Variants in MEPE observed in about 807,000 individuals in gnomAD.
MEPE encodes the protein matrix extracellular phosphoglycoprotein.
A neutral mutation model predicts 7.3 loss-of-function variants in MEPE; 7 were observed. The ratio of observed to expected loss-of-function variants is 0.95; its 90% CI spans 0.54 to 1.79. The LOEUF (loss-of-function observed/expected upper bound fraction) is 1.79. Among genes scored for constraint, MEPE ranks in the 40% most tolerant of loss-of-function variants. The pLI is 0.00. For synonymous variants in MEPE, 214 were observed against 213.1 expected (o/e 1.00, Z -0.04); for missense variants, 623 against 628.2 (o/e 0.99, Z 0.09).
At chr4:87,842,776 T>A (rs910344856) in intron 3 of MEPE, among the ~76,000 whole-genome samples, 7 of 152,176 alleles carry the variant, frequency 4.6e-5, no homozygotes, top group African/African-American at 1.7e-4. Context: ...AGGTTAAAAA[T>A]TATTGAAAAT....
Position 87,845,818 on chromosome 4 carries a change from T to C in MEPE, c.950T>C (p.Ile317Thr), listed in dbSNP as rs764644948. 4.5e-5 allele frequency: 73 copies of C among 1,613,850 alleles called. No individual in the cohort carries two copies. The Middle Eastern group carries it at 4.9e-4, about 11-fold the overall frequency. Reference protein sequence around the residue: ...PEREENGGNTIGTRDETAKEA... With the variant: ...PEREENGGNTTGTRDETAKEA... ...AGAGAAGAAAATGGTGGAAATACCA[T>C]TGGAACTAGGGATGAAACTGCGAAA... The change falls in exon 4 of 4, where the codon ATT (isoleucine) becomes ACT (threonine). Residue 317 changes from isoleucine to threonine, a missense_variant. Physicochemically the swap from Ile to Thr is moderately conservative, Grantham distance 89. Transcript: ENST00000361056.
At chr4:87,839,430 C>T (rs1722924888) in intron 3 of MEPE, among the ~76,000 whole-genome samples, 1 of 152,098 alleles carries the variant, frequency 6.6e-6, no homozygotes, top group African/African-American at 2.4e-5. Context: ...AATCGATCCA[C>T]CCTAGGACAG....
At chr4:87,839,078 C>A (rs1395632628) in intron 3 of MEPE, among the ~76,000 whole-genome samples, 1 of 152,148 alleles carries the variant, frequency 6.6e-6, no homozygotes, top group Non-Finnish European at 1.5e-5. Flanking sequence ...GGGAAGGTGG[C>A]TATCAGATCT....
At chr4:87,828,351 A>T (rs1722521963), upstream of MEPE, among the ~76,000 whole-genome samples, 1 of 152,206 alleles carries the variant, frequency 6.6e-6, no homozygotes, top group Non-Finnish European at 1.5e-5. Flanking sequence ...TATGTAAAAC[A>T]GAAACTTATT....
chr4:87,845,012 C>A lies in MEPE; in HGVS notation c.144C>A (p.His48Gln). Residue 48 changes from histidine (H) to glutamine (Q), a missense_variant, in exon 4 of 4, where the codon CAC becomes CAA. Physicochemically the swap from His to Gln is conservative, Grantham distance 24. Transcript: ENST00000361056. ...AAAACAAAGACAATATTGGTTTTCA[C>A]CATTTGGGCAAGAGAATAAATCAAG... The part of the protein sequence containing the change: ...EEKNKDNIGF[H>Q]HLGKRINQEL... 1 of 1,588,648 alleles carries A rather than the reference C, an allele frequency of 6.3e-7. No homozygotes were observed.
intron 3 of MEPE, chr4:87,839,833 T>C: frequency 6.5e-7 from 1 of 1,543,674 alleles, no homozygotes; most frequent in Non-Finnish European, 8.8e-7. Context: ...GGACTAGCCC[T>C]AGAGGAAAAT....
chr4:87,834,854 A>G (rs1722722985), intron 2 of MEPE, 86 bp downstream of exon 2: 2 of 1,101,492 alleles, frequency 1.8e-6, no homozygotes, highest in Admixed American at 4.1e-5. Context: ...TATTTAAATT[A>G]GTAGCATCTA....
chr4:87,840,145 G>A (rs1722960624), intron 3 of MEPE: 1 of 1,419,988 alleles, frequency 7.0e-7, no homozygotes, highest in African/African-American at 1.4e-5. Flanking sequence ...ATGCTCTGAT[G>A]GTGGGGATCT....
In MEPE at chr4:87,845,565, C is replaced by T; in HGVS notation, c.697C>T (p.Pro233Ser). 6.2e-7 allele frequency: 1 copy of T among 1,611,980 alleles called. No individual in the cohort carries two copies. The highest frequency in any genetic ancestry group is 1.7e-5 in the Admixed American group (1 of 59,512). The change falls in exon 4 of 4, where the codon CCC (proline) becomes TCC (serine). Residue 233 changes from proline (P) to serine (S), a missense_variant. Transcript: ENST00000361056. ...LKHLSKVKKIPSDFEGSGYTD... is the reference protein window; with the variant it reads ...LKHLSKVKKISSDFEGSGYTD... ...ACATCTCTCAAAAGTCAAAAAAATCCCCAGTGATTTTGAAGGCAGCGGTTA... is the reference window on the plus strand; with the variant it reads ...ACATCTCTCAAAAGTCAAAAAAATCTCCAGTGATTTTGAAGGCAGCGGTTA...
intron 1 of MEPE, among the ~76,000 whole-genome samples, chr4:87,826,299 A>G (rs1045701020): frequency 2.6e-5 from 4 of 151,542 alleles, no homozygotes; most frequent in Middle Eastern, 3.4e-3. Context: ...ACTCACTACA[A>G]CCTCTGCCTC....
chr4:87,842,976 C>G (rs1723072307), intron 3 of MEPE, among the ~76,000 whole-genome samples: 1 of 152,162 alleles, frequency 6.6e-6, no homozygotes, highest in African/African-American at 2.4e-5. Flanking sequence ...AGCTCAGGTT[C>G]TATATTCCCT....
In MEPE at chr4:87,834,905, G is replaced by C. The variant is rs1722724846; in HGVS notation, c.54+137G>C. ...TTAAAAAGAACCAAGCAAACAGAAA[G>C]CATCTAGCACTTAACACTCTTAACA... On this transcript the variant is annotated intron_variant, in intron 2 of 3. Coordinates refer to ENST00000361056, the MANE Select transcript of MEPE (RefSeq NM_020203.6). 4 of 678,148 alleles carry C rather than the reference G, an allele frequency of 5.9e-6. No individual in the cohort carries two copies. In the South Asian group the frequency reaches 8.3e-5, roughly 14 times the overall value. 42.0% of individuals were successfully genotyped at this position (678,148 alleles called of 1,614,324 possible). A position where few individuals can be genotyped will look rare whatever the true frequency, so the allele number is the denominator to read the frequency against.
At position 87,845,506 on chromosome 4, in the gene MEPE, C is replaced by A. The variant is rs1253551606; in HGVS notation, c.638C>A (p.Thr213Asn). The change falls in exon 4 of 4, where the codon ACC becomes AAC. Residue 213 changes from threonine (T) to asparagine (N), a missense_variant. Physicochemically the swap from Thr to Asn is moderately conservative, Grantham distance 65 (BLOSUM62 0). Transcript: ENST00000361056. ...AAAAGTCCAGTAAAAAGCAAAAGCACCCATCGTATTCAACACAACATTGAC... is the reference window on the plus strand; with the variant it reads ...AAAAGTCCAGTAAAAAGCAAAAGCAACCATCGTATTCAACACAACATTGAC... ...AQKSPVKSKS[T>N]HRIQHNIDYL... 3 of 1,613,384 alleles carry A rather than the reference C, an allele frequency of 1.9e-6. No homozygotes were observed. In the Admixed American group the frequency reaches 5.0e-5, roughly 27 times the overall value.
intron 3 of MEPE, chr4:87,840,091 C>A (rs1187775363): frequency 6.6e-7 from 1 of 1,524,894 alleles, no homozygotes; most frequent in East Asian, 2.5e-5. Flanking sequence ...TTCTGAGTAA[C>A]ATTTGGTGTT....
At position 87,840,122 on chromosome 4, in the gene MEPE, C is replaced by A; in HGVS notation, c.108+1437C>A. ...GTGTTTTATAAGAAAGTTTTCTTGA[C>A]ATATTCTACCATATGCTCTGATGGT... On this transcript the variant is annotated intron_variant, in intron 3 of 3. Coordinates refer to ENST00000361056, the MANE Select transcript of MEPE (RefSeq NM_020203.6). The A allele has an allele frequency of 2.0e-6, 3 of 1,484,632 alleles. No individual in the cohort carries two copies. The South Asian group carries it at 3.8e-5, about 19-fold the overall frequency. 92.0% of individuals were successfully genotyped at this position (1,484,632 alleles called of 1,614,324 possible).
At position 87,845,623 on chromosome 4, in the gene MEPE, T is replaced by A. The variant is rs1723203583; in HGVS notation, c.755T>A (p.Ile252Lys). ...TDLQERGDND[I>K]SPFSGDGQPF... ...CTTCAAGAGAGAGGGGACAATGATA[T>A]ATCTCCTTTCAGTGGGGACGGCCAA... The change falls in exon 4 of 4, where the codon ATA becomes AAA. Residue 252 changes from isoleucine (I) to lysine (K), a missense_variant. Physicochemically the swap from Ile to Lys is moderately radical, Grantham distance 102. Coordinates refer to ENST00000361056, the MANE Select transcript of MEPE (RefSeq NM_020203.6). 3 of 1,613,800 alleles carry A rather than the reference T, an allele frequency of 1.9e-6. No homozygotes were observed. The highest frequency in any genetic ancestry group is 1.7e-5 in the Admixed American group (1 of 59,962).
intron 3 of MEPE, among the ~76,000 whole-genome samples, chr4:87,841,883 C>A (rs60478036): frequency 0.028 from 4,291 of 152,198 alleles, 200 homozygotes; most frequent in African/African-American, 0.096. Flanking sequence ...CTGGGAAAAC[C>A]GTTGTGTATC....
At chr4:87,824,911 A>G (rs1355005217) in intron 1 of MEPE, among the ~76,000 whole-genome samples, 1 of 152,118 alleles carries the variant, frequency 6.6e-6, no homozygotes, top group African/African-American at 2.4e-5. Flanking sequence ...GCAGTGGTGC[A>G]ATCACAGCTC....
rs565064291 is a variant in MEPE, at chr4:87,833,544, C to G, written c.-13+530C>G. On this transcript the variant is annotated intron_variant, in intron 1 of 3. Coordinates refer to ENST00000361056, the MANE Select transcript of MEPE (RefSeq NM_020203.6). Reference sequence around the variant, plus strand: ...TAGTTACAATCATTTCTCCAAATACCAGCTTTTCCTTGAGGTGTTTAAAGA... The same window carrying G: ...TAGTTACAATCATTTCTCCAAATACGAGCTTTTCCTTGAGGTGTTTAAAGA... Among the ~76,000 whole-genome samples the G allele has an allele frequency of 4.9e-4, 74 of 152,182 alleles. No individual in the cohort carries two copies. In the South Asian group the frequency reaches 0.015, roughly 31 times the overall value.
Sources: gnomAD v4.1 joint callset for allele counts (sites outside exome capture counted in the v4.1 genomes callset) on GRCh38, gnomAD v4.1.1 for gene constraint, MANE v1.5 for transcripts, NCBI Gene and HGNC (gene_info 2026-07-23, HGNC 2026-07-21) for gene names.